CYB5R4: variants seen among roughly 807,000 people sequenced by gnomAD.
The protein encoded by CYB5R4 is cytochrome b5 reductase 4.
CYB5R4 carries 55 observed loss-of-function variants against 70.2 expected under a neutral mutation model. The observed-to-expected ratio is 0.78, with a 90% CI of 0.63 to 0.98. CYB5R4 has a LOEUF of 0.98. CYB5R4 is among the 50% of genes least tolerant of loss of function. CYB5R4 has a pLI of 0.00. For missense variants in CYB5R4, 562 were observed against 612.6 expected, an observed-to-expected ratio of 0.92 and a Z score of 0.87; for synonymous variants, 197 against 199.5, an observed-to-expected ratio of 0.99 and a Z score of 0.11.
intron 10 of CYB5R4, among the ~76,000 whole-genome samples, chr6:83,932,657 C>G (rs2099468338): frequency 7.2e-6 from 1 of 138,854 alleles, no homozygotes; most frequent in Non-Finnish European, 1.5e-5. Flanking sequence ...CTCTTTCTTT[C>G]AACTTCACCC....
intron 15 of CYB5R4, among the ~76,000 whole-genome samples, chr6:83,957,367 A>G (rs2099472576): frequency 6.6e-6 from 1 of 152,084 alleles, no homozygotes; most frequent in Non-Finnish European, 1.5e-5. Flanking sequence ...TTTAAAATTG[A>G]CCATAAACTT....
intron 14 of CYB5R4, among the ~76,000 whole-genome samples, chr6:83,941,970 A>G (rs1482441322): frequency 6.6e-6 from 1 of 152,208 alleles, no homozygotes; most frequent in Non-Finnish European, 1.5e-5. Context: ...TATCTTCAAA[A>G]GAAAATAATG....
chr6:83,910,043 T>A (rs774566427), intron 4 of CYB5R4: 104 of 1,612,286 alleles, frequency 6.5e-5, no homozygotes, highest in Non-Finnish European at 4.2e-6. Context: ...ACGCATGCAT[T>A]GGACAGCTCT....
intron 2 of CYB5R4, among the ~76,000 whole-genome samples, chr6:83,873,322 C>T (rs186085160): frequency 1.8e-4 from 25 of 142,234 alleles, no homozygotes; most frequent in Admixed American, 1.7e-3. Context: ...TCACTGCAAT[C>T]TCCACCTCCT....
intron 9 of CYB5R4, 125 bp from the exon 10 acceptor site, chr6:83,924,341 TTATC>T: frequency 1.2e-6 from 1 of 839,958 alleles, no homozygotes; most frequent in Non-Finnish European, 1.7e-6. Context: ...AAAATCTTAT[TTATC>T]CCACTAATAA....
At chr6:83,876,008 T>C (rs1441808777) in intron 2 of CYB5R4, among the ~76,000 whole-genome samples, 1 of 152,108 alleles carries the variant, frequency 6.6e-6, no homozygotes, top group Non-Finnish European at 1.5e-5. Context: ...TTCGAACGCC[T>C]CTGACAGTAG....
intron 4 of CYB5R4, among the ~76,000 whole-genome samples, chr6:83,912,056 CAAA>C (rs34601186): frequency 1.2e-4 from 8 of 64,676 alleles, no homozygotes; most frequent in Non-Finnish European, 1.6e-4. Flanking sequence ...GGCCTTGTCT[CAAA>C]AAAAAAAAAA....
chr6:83,889,491 G>T (rs1249965558), intron 2 of CYB5R4, among the ~76,000 whole-genome samples: 1 of 152,168 alleles, frequency 6.6e-6, no homozygotes, highest in Non-Finnish European at 1.5e-5. Context: ...TTGGATGACA[G>T]TACCTCAGTG....
Position 83,965,563 on chromosome 6 carries a change from G to A in CYB5R4, c.*5685G>A, listed in dbSNP as rs1455396761. 1 of 152,200 alleles carries A rather than the reference G, an allele frequency of 6.6e-6. No homozygotes were observed. Among genetic ancestry groups the A allele is most frequent in the Non-Finnish European group, 1.5e-5 (1 of 68,058 alleles). 9.4% of individuals were successfully genotyped at this position (152,200 alleles called of 1,614,324 possible). On this transcript the variant is annotated 3_prime_UTR_variant, in exon 16 of 16. Transcript: ENST00000369681. ...ATTTTACAGGCTCATAAGTGGAAGGGACTTGCCTTGTCTCAGATGAGACTT... is the reference window on the plus strand; with the variant it reads ...ATTTTACAGGCTCATAAGTGGAAGGAACTTGCCTTGTCTCAGATGAGACTT...
Position 83,965,039 on chromosome 6 carries a change from G to A in CYB5R4, c.*5161G>A, listed in dbSNP as rs1407688561. ...TGTATGGAAATGCCTGGATGCCCAG[G>A]CAGAAGTTTGCTGCAGGGGCGGGGC... On this transcript the variant is annotated 3_prime_UTR_variant, in exon 16 of 16. Transcript: ENST00000369681. 1 of 152,274 alleles carries A rather than the reference G, an allele frequency of 6.6e-6. No individual in the cohort carries two copies. The highest frequency in any genetic ancestry group is 1.5e-5 in the Non-Finnish European group (1 of 68,094). The allele number at this position is 152,274 out of a possible 1,614,324, so 9.4% of individuals were successfully genotyped here. A position where few individuals can be genotyped will look rare whatever the true frequency, so the allele number is the denominator to read the frequency against.
intron 1 of CYB5R4, among the ~76,000 whole-genome samples, chr6:83,863,775 A>G (rs1228658581): frequency 6.6e-6 from 1 of 152,240 alleles, no homozygotes; most frequent in African/African-American, 2.4e-5. Flanking sequence ...CAATACAACA[A>G]CCATTTACAT....
At chr6:83,933,390 G>A (rs955436587) in intron 10 of CYB5R4, among the ~76,000 whole-genome samples, 4 of 152,166 alleles carry the variant, frequency 2.6e-5, no homozygotes, top group African/African-American at 9.6e-5. Context: ...GGATTCATTT[G>A]TGACTAAAAT....
chr6:83,921,629 G>C (rs546561613), intron 8 of CYB5R4, among the ~76,000 whole-genome samples: 1 of 152,120 alleles, frequency 6.6e-6, no homozygotes, highest in Admixed American at 6.6e-5. Flanking sequence ...CAGTCCCTTC[G>C]TGGCTAAAGA....
At chr6:83,860,296 G>A (rs1395220201) in intron 1 of CYB5R4, among the ~76,000 whole-genome samples, 2 of 152,226 alleles carry the variant, frequency 1.3e-5, no homozygotes, top group Admixed American at 6.5e-5. Flanking sequence ...GCTTGGCAGT[G>A]GCGACAGTGA....
chr6:83,959,930 G>A lies in CYB5R4; in HGVS notation c.*52G>A. On this transcript the variant is annotated 3_prime_UTR_variant, in exon 16 of 16. Coordinates refer to ENST00000369681, the MANE Select transcript of CYB5R4 (RefSeq NM_016230.4). ...AACTAGTTTATCTAAATTTGTGATT[G>A]CTTAGGGTTTTTTAAGAGAACATTT... The A allele has an allele frequency of 7.0e-7, 1 of 1,419,800 alleles. No individual in the cohort carries two copies. The highest frequency in any genetic ancestry group is 9.5e-7 in the Non-Finnish European group (1 of 1,047,300). The allele number at this position is 1,419,800 out of a possible 1,614,324, so 88.0% of individuals were successfully genotyped here.
chr6:83,902,311 T>A lies in CYB5R4; in HGVS notation c.331-6698T>A, dbSNP rs545759489. Among the ~76,000 whole-genome samples, 4 of 152,306 alleles carry A rather than the reference T, an allele frequency of 2.6e-5. No homozygotes were observed. The East Asian group carries it at 7.7e-4, about 29-fold the overall frequency. On this transcript the variant is annotated intron_variant, in intron 3 of 15. Transcript: ENST00000369681. ...TCATTGTATATTCTTGACGTCATTG[T>A]TGAAAATCAGTTGGCTATAAATATG...
intron 12 of CYB5R4, among the ~76,000 whole-genome samples, chr6:83,939,305 A>G (rs1285307449): frequency 6.6e-6 from 1 of 152,184 alleles, no homozygotes; most frequent in Non-Finnish European, 1.5e-5. Flanking sequence ...AAGTTTCTGA[A>G]TCTAGTCCTA....
chr6:83,935,818 T>A (rs1170380678), intron 11 of CYB5R4, among the ~76,000 whole-genome samples: 1 of 152,150 alleles, frequency 6.6e-6, no homozygotes, highest in Non-Finnish European at 1.5e-5. Context: ...GTAACATTTT[T>A]AAAAATTTGG....
intron 10 of CYB5R4, among the ~76,000 whole-genome samples, chr6:83,928,110 G>A (rs1392133901): frequency 6.6e-6 from 1 of 152,136 alleles, no homozygotes; most frequent in Admixed American, 6.6e-5. Context: ...AAGGATTTTA[G>A]GAGTTCTATG....
Sources: gnomAD v4.1 joint callset for allele counts (sites outside exome capture counted in the v4.1 genomes callset) on GRCh38, gnomAD v4.1.1 for gene constraint, MANE v1.5 for transcripts, NCBI Gene and HGNC (gene_info 2026-07-23, HGNC 2026-07-21) for gene names.